The following SNTG1 variants were observed in gnomAD, a reference collection of about 807,000 sequenced individuals.
SNTG1 encodes syntrophin gamma 1.
Under a neutral mutation model 74.7 loss-of-function variants are expected in SNTG1, and 39 were observed. That is an observed-to-expected ratio of 0.52 (90% CI 0.40 to 0.68). SNTG1 has a LOEUF of 0.68. SNTG1 is among the 30% of genes least tolerant of loss of function. SNTG1 has a pLI of 0.00. For missense variants in SNTG1, 685 were observed against 609.5 expected, an observed-to-expected ratio of 1.12 and a Z score of -1.30; for synonymous variants, 254 against 217.1, an observed-to-expected ratio of 1.17 and a Z score of -1.49.
chr8:50,731,927 A>G (rs758927594), intron 17 of SNTG1, among the ~76,000 whole-genome samples: 2 of 152,110 alleles, frequency 1.3e-5, no homozygotes, highest in Admixed American at 6.6e-5. Flanking sequence ...TTACAAGTTT[A>G]CACAATTTGC....
intron 1 of SNTG1, among the ~76,000 whole-genome samples, chr8:50,122,075 G>C (rs961939408): frequency 7.1e-6 from 1 of 140,382 alleles, no homozygotes; most frequent in African/African-American, 2.6e-5. Context: ...TCCAACCCTC[G>C]ATGCCCCCTG....
intron 1 of SNTG1, among the ~76,000 whole-genome samples, chr8:50,115,663 T>A (rs751170185): frequency 1.3e-5 from 2 of 149,682 alleles, no homozygotes; most frequent in African/African-American, 4.9e-5. Context: ...GACAAATGAG[T>A]GCTGAGAGGT....
chr8:49,946,371 A>G (rs1351466852), intron 1 of SNTG1, among the ~76,000 whole-genome samples: 1 of 152,204 alleles, frequency 6.6e-6, no homozygotes, highest in East Asian at 1.9e-4. Flanking sequence ...TTTAGGCTAC[A>G]ATGAGACCGT....
intron 1 of SNTG1, among the ~76,000 whole-genome samples, chr8:50,048,340 A>G (rs1819277826): frequency 6.6e-6 from 1 of 152,164 alleles, no homozygotes; most frequent in African/African-American, 2.4e-5. Context: ...AAATAGTTGT[A>G]TATATGAAAT....
chr8:49,974,485 C>CG (rs1171037062), intron 1 of SNTG1, among the ~76,000 whole-genome samples: 3 of 152,298 alleles, frequency 2.0e-5, no homozygotes, highest in African/African-American at 7.2e-5. Context: ...AGGTCTTTCA[C>CG]TTCAAGTTCC....
intron 2 of SNTG1, among the ~76,000 whole-genome samples, chr8:50,383,834 T>C (rs966931133): frequency 2.2e-4 from 34 of 152,306 alleles, no homozygotes; most frequent in Admixed American, 8.5e-4. Flanking sequence ...TGGAAGTCAG[T>C]ATCAATCACC....
chr8:50,380,297 G>A (rs529694191), intron 2 of SNTG1, among the ~76,000 whole-genome samples: 1 of 152,124 alleles, frequency 6.6e-6, no homozygotes, highest in Non-Finnish European at 1.5e-5. Flanking sequence ...TTGGAGAGAG[G>A]ACCAATTAAT....
At chr8:50,579,346 AAATT>A (rs893524045) in intron 12 of SNTG1, among the ~76,000 whole-genome samples, 5 of 152,200 alleles carry the variant, frequency 3.3e-5, no homozygotes, top group Non-Finnish European at 5.9e-5. Flanking sequence ...AAATGTTTGG[AAATT>A]TTCCAGTCTG....
At chr8:49,951,418 A>T (rs1345429155) in intron 1 of SNTG1, among the ~76,000 whole-genome samples, 2 of 152,202 alleles carry the variant, frequency 1.3e-5, no homozygotes, top group Admixed American at 1.3e-4. Flanking sequence ...GACACAGAGA[A>T]TGTAGACACT....
Position 50,496,174 on chromosome 8 carries a change from C to G in SNTG1, c.364-6604C>G, listed in dbSNP as rs559901920. Among the ~76,000 whole-genome samples the G allele has an allele frequency of 7.9e-5, 12 of 152,258 alleles. No homozygotes were observed. In the South Asian group the frequency reaches 2.3e-3, roughly 29 times the overall value. ...GGATCCAGAATAAGAAAATAATTTA[C>G]TATGTCAAGTGGGATGAGTCCAATA... On this transcript the variant is annotated intron_variant, in intron 8 of 18. Coordinates refer to ENST00000642720, the MANE Select transcript of SNTG1 (RefSeq NM_018967.5).
At chr8:50,535,672 G>T (rs527386694) in intron 10 of SNTG1, among the ~76,000 whole-genome samples, 50 of 152,302 alleles carry the variant, frequency 3.3e-4, no homozygotes, top group African/African-American at 1.2e-3. Flanking sequence ...AACATAAAAT[G>T]CCAGGCAACA....
chr8:50,039,092 A>G (rs1399723758), intron 1 of SNTG1, among the ~76,000 whole-genome samples: 1 of 152,144 alleles, frequency 6.6e-6, no homozygotes, highest in Non-Finnish European at 1.5e-5. Flanking sequence ...TGGCCATAGT[A>G]GGTCCTTGCA....
rs553298434 is a variant in SNTG1 at position 50,204,857 on chromosome 8, A to G, written c.-28+32222A>G. On this transcript the variant is annotated intron_variant, in intron 2 of 18. Transcript: ENST00000642720. The stretch of plus-strand genomic sequence containing the variant: ...TCCTTGTGAGAGTTTGCTGAGAATG[A>G]TGGTTCCCAGCTTCATCCATGTCCC... Among the ~76,000 whole-genome samples the G allele has an allele frequency of 1.1e-4, 16 of 152,192 alleles. 1 individual carries two copies. The South Asian group carries it at 3.3e-3, about 32-fold the overall frequency.
chr8:50,298,048 A>G (rs2089473415), intron 2 of SNTG1, among the ~76,000 whole-genome samples: 1 of 151,378 alleles, frequency 6.6e-6, no homozygotes, highest in South Asian at 2.1e-4. Context: ...AAAAAAATCC[A>G]TATTAAGGGC....
At chr8:50,624,320 CAAA>C (rs58970596) in intron 13 of SNTG1, among the ~76,000 whole-genome samples, 1 of 140,314 alleles carries the variant, frequency 7.1e-6, no homozygotes, top group African/African-American at 2.8e-5. Context: ...GAAAGAAAAA[CAAA>C]AAAAAAAATT....
chr8:50,030,532 G>T (rs1046223608), intron 1 of SNTG1, among the ~76,000 whole-genome samples: 1 of 151,800 alleles, frequency 6.6e-6, no homozygotes, highest in Admixed American at 6.6e-5. Flanking sequence ...TATGGTATAA[G>T]GTTTAATTAT....
intron 12 of SNTG1, among the ~76,000 whole-genome samples, chr8:50,553,412 G>A (rs2094438487): frequency 1.3e-5 from 2 of 152,064 alleles, no homozygotes; most frequent in Admixed American, 1.3e-4. Context: ...CATTACTTAA[G>A]CAAATGAAAA....
In SNTG1 at chr8:50,695,668, A is replaced by G. The variant is rs1052499523; in HGVS notation, c.1039-8932A>G. ...TCTTCAATGTCTATTATTCCATTCT[A>G]TATGTCCAGGCTTACCCATTGTTTA... On this transcript the variant is annotated intron_variant, in intron 15 of 18. Transcript: ENST00000642720. Among the ~76,000 whole-genome samples the G allele has an allele frequency of 5.3e-5, 8 of 151,740 alleles. No individual in the cohort carries two copies. The South Asian group carries it at 1.2e-3, about 24-fold the overall frequency.
rs1173365120 is a variant in SNTG1 at position 50,064,884 on chromosome 8, T to C, written c.-102-107677T>C. On this transcript the variant is annotated intron_variant, in intron 1 of 18. Transcript: ENST00000642720. Reference sequence around the variant, plus strand: ...CTCTTGTCCACATCACCATGTTTTATTGTCTTCAGAGCAGTTGTAAATTTC... The same window carrying C: ...CTCTTGTCCACATCACCATGTTTTACTGTCTTCAGAGCAGTTGTAAATTTC... 5.3e-5 allele frequency among the ~76,000 whole-genome samples: 8 copies of C among 152,234 alleles called. No homozygotes were observed. The East Asian group carries it at 1.3e-3, about 26-fold the overall frequency.
Sources: allele counts gnomAD v4.1 joint callset (sites outside exome capture counted in the v4.1 genomes callset), GRCh38; gene constraint gnomAD v4.1.1; transcripts MANE v1.5; gene names NCBI Gene and HGNC (gene_info 2026-07-23, HGNC 2026-07-21).